CCDC57: variants seen among roughly 807,000 people sequenced by gnomAD.
CCDC57 encodes coiled-coil domain containing 57.
Under a neutral mutation model 118.9 loss-of-function variants are expected in CCDC57, and 118 were observed. The observed-to-expected ratio is 0.99, with a 90% confidence interval of 0.86 to 1.16. The LOEUF is 1.16. CCDC57 is among the 50% of genes most tolerant of loss of function. The probability of loss-of-function intolerance (pLI) is 0.00; values close to 1 mark genes in which losing one functional copy is unlikely to be tolerated. For synonymous variants in CCDC57, 527 were observed against 532.9 expected (o/e 0.99, Z 0.15); for missense variants, 1,300 against 1,320.7 (o/e 0.98, Z 0.24).
chr17:82,117,443 C>T (rs561000449), intron 19 of CCDC57, among the ~76,000 whole-genome samples: 1 of 152,286 alleles, frequency 6.6e-6, no homozygotes, highest in African/African-American at 2.4e-5. Context: ...GAGTTCGAGA[C>T]CAGCCTGGGC....
chr17:82,131,487 A>T (rs1352678473), intron 17 of CCDC57, among the ~76,000 whole-genome samples: 1 of 152,038 alleles, frequency 6.6e-6, no homozygotes, highest in Non-Finnish European at 1.5e-5. Context: ...CACGCCTGTA[A>T]TCCCAGCATT....
chr17:82,173,061 C>G (rs533812798), intron 11 of CCDC57, among the ~76,000 whole-genome samples: 39 of 151,788 alleles, frequency 2.6e-4, no homozygotes, highest in African/African-American at 9.4e-4. Context: ...TTCCTGGAGC[C>G]TTTCATACTT....
At position 82,172,432 on chromosome 17, in the gene CCDC57, T is replaced by C. The variant is rs534550288; in HGVS notation, c.1729+206A>G. On this transcript the variant is annotated intron_variant, in intron 12 of 19. Transcript: ENST00000665763. This position sits in a 1 kb window ranked among gnomAD's most constrained non-coding sequence, Gnocchi z 5.2. ...ATTTTTTCCTTCCACTTTACAAATATAAAAGCTTTTTGGTATAAAACTTAA... is the reference window on the plus strand; with the variant it reads ...ATTTTTTCCTTCCACTTTACAAATACAAAAGCTTTTTGGTATAAAACTTAA... Among the ~76,000 whole-genome samples, 21 of 152,332 alleles carry C rather than the reference T, an allele frequency of 1.4e-4. No individual in the cohort carries two copies. Among genetic ancestry groups the C allele is most frequent in the Non-Finnish European group, 2.6e-4 (18 of 68,020 alleles).
At chr17:82,138,917 T>C (rs1156878266) in intron 16 of CCDC57, among the ~76,000 whole-genome samples, 1 of 152,214 alleles carries the variant, frequency 6.6e-6, no homozygotes, top group East Asian at 1.9e-4. Flanking sequence ...AGGTGTCACC[T>C]TACTTTAACG....
chr17:82,119,779 G>A (rs980448619), intron 19 of CCDC57, among the ~76,000 whole-genome samples: 4 of 152,010 alleles, frequency 2.6e-5, no homozygotes, highest in African/African-American at 9.7e-5. Context: ...GGACGTGCTG[G>A]GCCCCAGCAG....
In CCDC57 at chr17:82,212,774, C is replaced by CGG. The variant is rs2050262895; in HGVS notation, c.-211+10_-211+11insCC. ...CTCCCACGCCTCCCACGCCGCCCGC[C>CGG]CGCACCTCACCCTAACGCCCGCCAG... On this transcript the variant is annotated intron_variant, in intron 1 of 19. Transcript: ENST00000665763. This position sits in a 1 kb window ranked among gnomAD's most constrained non-coding sequence, Gnocchi z 4.1. The CGG allele has an allele frequency of 1.1e-5, 1 of 94,166 alleles. No individual in the cohort carries two copies. The highest frequency in any genetic ancestry group is 2.1e-5 in the Non-Finnish European group (1 of 47,006). 5.8% of individuals were successfully genotyped at this position (94,166 alleles called of 1,614,324 possible). A position where few individuals can be genotyped will look rare whatever the true frequency, so the allele number is the denominator to read the frequency against.
At chr17:82,198,626 G>A (rs2048584185) in intron 3 of CCDC57, among the ~76,000 whole-genome samples, 1 of 151,580 alleles carries the variant, frequency 6.6e-6, no homozygotes, top group Non-Finnish European at 1.5e-5. Flanking sequence ...ATTAAATAGG[G>A]CCCAGAGTCT....
intron 15 of CCDC57, chr17:82,154,331 GGCC>G (rs2042418049): frequency 6.6e-6 from 1 of 152,394 alleles, no homozygotes; most frequent in Non-Finnish European, 1.5e-5. Flanking sequence ...CCTTGGCTAG[GGCC>G]GTGGAAGGGG....
At chr17:82,164,178 C>T (rs1176258424) in intron 13 of CCDC57, among the ~76,000 whole-genome samples, 1 of 151,988 alleles carries the variant, frequency 6.6e-6, no homozygotes. Context: ...GAGTGGGAGA[C>T]CAACCTGGCC....
At chr17:82,206,674 G>A (rs1256506227) in intron 2 of CCDC57, among the ~76,000 whole-genome samples, 1 of 152,106 alleles carries the variant, frequency 6.6e-6, no homozygotes, top group African/African-American at 2.4e-5. Context: ...TGTTTCCCTG[G>A]GTTCTGTGAG....
At chr17:82,157,545 A>C in intron 15 of CCDC57, 1 of 1,428,312 alleles carries the variant, frequency 7.0e-7, no homozygotes, top group Non-Finnish European at 9.1e-7. Context: ...GACCAGGAGA[A>C]GAGGAGGCGT....
At chr17:82,103,612 G>T (rs1422089976) in intron 19 of CCDC57, among the ~76,000 whole-genome samples, 1 of 152,264 alleles carries the variant, frequency 6.6e-6, no homozygotes, top group African/African-American at 2.4e-5. Context: ...CAGAGGCCTT[G>T]GTTGTCCCTC....
At chr17:82,167,396 G>A (rs2044131218) in intron 13 of CCDC57, among the ~76,000 whole-genome samples, 1 of 148,762 alleles carries the variant, frequency 6.7e-6, no homozygotes, top group South Asian at 2.1e-4. Flanking sequence ...TGTAGCCCAG[G>A]CTGGAGTGCA....
chr17:82,163,241 C>T (rs762920835), exon 14 of CCDC57: 35 of 1,613,950 alleles, frequency 2.2e-5, no homozygotes, highest in Non-Finnish European at 3.0e-5. Context: ...AGGAGCTGCA[C>T]TCTGTCCCCG....
exon 2 of CCDC57, chr17:82,207,934 G>A (rs2049864098): frequency 6.6e-6 from 1 of 152,202 alleles, no homozygotes; most frequent in South Asian, 2.1e-4. Flanking sequence ...GACTGCTCAT[G>A]TGCTGGTGAA....
intron 14 of CCDC57, among the ~76,000 whole-genome samples, chr17:82,158,417 G>C (rs1224846490): frequency 1.3e-5 from 2 of 152,192 alleles, no homozygotes; most frequent in African/African-American, 4.8e-5. Context: ...GCTGGGTGCG[G>C]TGGCTCACGC....
chr17:82,135,654 G>A (rs1035792418), intron 16 of CCDC57, among the ~76,000 whole-genome samples: 1 of 152,124 alleles, frequency 6.6e-6, no homozygotes, highest in Non-Finnish European at 1.5e-5. Flanking sequence ...GAAGATGCAC[G>A]TGTGGGCAAA....
chr17:82,196,546 A>G (rs981729634), intron 4 of CCDC57, among the ~76,000 whole-genome samples: 2 of 152,156 alleles, frequency 1.3e-5, no homozygotes, highest in Non-Finnish European at 1.5e-5. Context: ...TTAGTGACAC[A>G]CTGGCCTATC....
chr17:82,180,372 C>T (rs1283970643), intron 9 of CCDC57, among the ~76,000 whole-genome samples: 1 of 152,246 alleles, frequency 6.6e-6, no homozygotes, highest in Non-Finnish European at 1.5e-5. Context: ...GAGCCCTGCC[C>T]AGGCCCTGGC....
Sources: allele counts gnomAD v4.1 joint callset (sites outside exome capture counted in the v4.1 genomes callset), GRCh38; gene constraint gnomAD v4.1.1; non-coding constraint Gnocchi (gnomAD v3.1); transcripts MANE v1.5; gene names NCBI Gene and HGNC (gene_info 2026-07-23, HGNC 2026-07-21).